Variants in CNTN4 observed in about 807,000 individuals in gnomAD.
CNTN4 encodes contactin 4.
A neutral mutation model predicts 122.5 loss-of-function variants in CNTN4; 77 were observed. The observed-to-expected ratio is 0.63, with a 90% CI of 0.52 to 0.76. The LOEUF (loss-of-function observed/expected upper bound fraction) is 0.76, where lower values mean the gene tolerates loss of function less well. CNTN4 is among the 30% of genes least tolerant of loss of function. The pLI is 0.00. For missense variants in CNTN4, 1,256 were observed against 1,259.1 expected (o/e 1.00, Z 0.04); for synonymous variants, 512 against 447.0 (o/e 1.15, Z -1.83).
At chr3:2,246,820 C>G (rs1204042883) in intron 2 of CNTN4, among the ~76,000 whole-genome samples, 1 of 151,798 alleles carries the variant, frequency 6.6e-6, no homozygotes, top group East Asian at 1.9e-4. Flanking sequence ...GAAAAGTCCT[C>G]TCAGGGGGAT....
intron 3 of CNTN4, among the ~76,000 whole-genome samples, chr3:2,550,493 C>G (rs951653522): frequency 1.8e-4 from 27 of 152,308 alleles, no homozygotes; most frequent in African/African-American, 6.5e-4. Context: ...TGCTTTTACA[C>G]TGTTGGTGGG....
intron 4 of CNTN4, among the ~76,000 whole-genome samples, chr3:2,636,308 T>C (rs1467275507): frequency 6.6e-6 from 1 of 152,136 alleles, no homozygotes; most frequent in East Asian, 1.9e-4. Flanking sequence ...CTTCATCCCC[T>C]CTCTTCTTTG....
intron 2 of CNTN4, among the ~76,000 whole-genome samples, chr3:2,196,941 A>G (rs897555606): frequency 2.6e-5 from 4 of 151,372 alleles, no homozygotes; most frequent in Non-Finnish European, 5.9e-5. Flanking sequence ...CTACTCAGGA[A>G]GGCTAAGGCA....
intron 4 of CNTN4, among the ~76,000 whole-genome samples, chr3:2,720,461 A>G (rs1198631471): frequency 6.6e-6 from 1 of 152,124 alleles, no homozygotes; most frequent in Non-Finnish European, 1.5e-5. Context: ...TTACACCTGA[A>G]TTTTTATGTA....
At chr3:2,727,783 C>T (rs1038641166) in intron 4 of CNTN4, among the ~76,000 whole-genome samples, 1 of 152,156 alleles carries the variant, frequency 6.6e-6, no homozygotes, top group Non-Finnish European at 1.5e-5. Flanking sequence ...GTTCACTTCT[C>T]ATTTGGATTT....
intron 7 of CNTN4, among the ~76,000 whole-genome samples, chr3:2,851,873 A>C (rs968413934): frequency 6.6e-6 from 1 of 152,248 alleles, no homozygotes; most frequent in South Asian, 2.1e-4. Flanking sequence ...ATAATAAAAC[A>C]AGAAAGTATT....
chr3:2,795,110 A>T (rs1278065640), intron 6 of CNTN4, among the ~76,000 whole-genome samples: 1 of 152,192 alleles, frequency 6.6e-6, no homozygotes, highest in Non-Finnish European at 1.5e-5. Flanking sequence ...TCCATTCTGT[A>T]AGTTTTATTA....
intron 2 of CNTN4, among the ~76,000 whole-genome samples, chr3:2,180,459 A>T (rs931721506): frequency 1.3e-5 from 2 of 151,956 alleles, no homozygotes; most frequent in Non-Finnish European, 2.9e-5. Flanking sequence ...CATGCTTTTC[A>T]AATAAGAAAC....
chr3:2,153,556 A>G (rs1247009140), intron 2 of CNTN4, among the ~76,000 whole-genome samples: 1 of 152,174 alleles, frequency 6.6e-6, no homozygotes, highest in African/African-American at 2.4e-5. Flanking sequence ...ATAGAGAGCA[A>G]AGTAACTTTT....
intron 6 of CNTN4, among the ~76,000 whole-genome samples, chr3:2,747,154 A>T (rs9833689): frequency 2.0e-5 from 3 of 151,802 alleles, no homozygotes; most frequent in Non-Finnish European, 4.4e-5. Context: ...TCACGCCTGT[A>T]ATCCCAGCAT....
intron 3 of CNTN4, among the ~76,000 whole-genome samples, chr3:2,406,705 G>A (rs1425254512): frequency 1.3e-5 from 2 of 152,072 alleles, no homozygotes; most frequent in Admixed American, 1.3e-4. Flanking sequence ...CATCTGTAAA[G>A]TTTGCCTAAC....
At chr3:2,353,255 G>A (rs1226226312) in intron 3 of CNTN4, among the ~76,000 whole-genome samples, 3 of 152,086 alleles carry the variant, frequency 2.0e-5, no homozygotes, top group African/African-American at 7.2e-5. Flanking sequence ...TCAGCACTCT[G>A]TGTCTAGCTC....
chr3:2,890,385 G>T lies in CNTN4; in HGVS notation c.940+3161G>T, dbSNP rs182400908. Among the ~76,000 whole-genome samples, 8 of 152,240 alleles carry T rather than the reference G, an allele frequency of 5.3e-5. No homozygotes were observed. In the East Asian group the frequency reaches 1.4e-3, roughly 26 times the overall value. The stretch of plus-strand genomic sequence containing the variant: ...AAAATCACCATGTAGATGATAAAAG[G>T]TGAGAAAGTACCCCAGTCACTTATC... On this transcript the variant is annotated intron_variant, in intron 10 of 24. Transcript: ENST00000418658.
intron 3 of CNTN4, among the ~76,000 whole-genome samples, chr3:2,384,997 C>G (rs1020067964): frequency 2.0e-5 from 3 of 152,084 alleles, no homozygotes; most frequent in African/African-American, 7.2e-5. Context: ...GTTGGTTTTA[C>G]TGCCTCCATT....
At chr3:2,980,689 A>G (rs1345790010) in intron 13 of CNTN4, among the ~76,000 whole-genome samples, 2 of 152,226 alleles carry the variant, frequency 1.3e-5, no homozygotes, top group African/African-American at 2.4e-5. Context: ...GCCGAAGTTT[A>G]ATAGGCAAAA....
At chr3:2,474,781 A>G (rs142259519) in intron 3 of CNTN4, among the ~76,000 whole-genome samples, 1 of 152,118 alleles carries the variant, frequency 6.6e-6, no homozygotes, top group Non-Finnish European at 1.5e-5. Context: ...TGAATGCATA[A>G]TTTTCCACTT....
chr3:2,756,113 A>G (rs780920532), intron 6 of CNTN4, among the ~76,000 whole-genome samples: 8 of 152,192 alleles, frequency 5.3e-5, no homozygotes, highest in Non-Finnish European at 1.0e-4. Context: ...TTTTCATTTG[A>G]GAGGTTATGG....
In CNTN4 at chr3:3,040,127, C is replaced by G. The variant is rs757977566; in HGVS notation, c.2254C>G (p.Leu752Val). The change falls in exon 20 of 25, where the codon CTG (leucine) becomes GTG (valine). Residue 752 changes from leucine (L) to valine (V), a missense_variant. Transcript: ENST00000418658. ...YGKMIWMLTV[L>V]ASADASRYVF... is the part of the protein sequence containing the mutation. ...TAAAATGATCTGGATGCTGACAGTG[C>G]TGGCCTCAGCTGATGCCTCTAGATA... 3 of 1,613,934 alleles carry G rather than the reference C, an allele frequency of 1.9e-6. No individual in the cohort carries two copies.
intron 3 of CNTN4, among the ~76,000 whole-genome samples, chr3:2,563,872 C>T (rs906712248): frequency 1.3e-5 from 2 of 151,628 alleles, no homozygotes; most frequent in African/African-American, 4.8e-5. Flanking sequence ...ACTTAGAAAC[C>T]TGTTATTAAA....
Sources: allele counts gnomAD v4.1 joint callset (sites outside exome capture counted in the v4.1 genomes callset), GRCh38; gene constraint gnomAD v4.1.1; transcripts MANE v1.5; gene names NCBI Gene and HGNC (gene_info 2026-07-23, HGNC 2026-07-21).